Variants in IDS observed in about 807,000 individuals in gnomAD.
The protein encoded by IDS is alpha-L-iduronate sulfate sulfatase.
In IDS, 1 loss-of-function variant was observed where a neutral mutation model predicts 33.5. That is an observed-to-expected ratio of 0.03 (90% confidence interval 0.01 to 0.14). The LOEUF (loss-of-function observed/expected upper bound fraction) is 0.14. IDS is among the 10% of genes least tolerant of loss of function. The pLI, the probability that IDS is intolerant of heterozygous loss-of-function variation, is 1.00. For synonymous variants in IDS, 191 were observed against 184.4 expected, an observed-to-expected ratio of 1.04 and a Z score of -0.29; for missense variants, 328 against 448.0, an observed-to-expected ratio of 0.73 and a Z score of 2.42.
In IDS at chrX:149,481,434, T is replaced by C. The variant is rs1557337426; in HGVS notation, c.*1312A>G. ...TGGCAACAATACACTGAAGTAACAA[T>C]GTAGTTTGCTGTATTTTGTTTCACA... On this transcript the variant is annotated 3_prime_UTR_variant, in exon 9 of 9. Transcript: ENST00000340855. 1 of 112,736 alleles carries C rather than the reference T, an allele frequency of 8.9e-6. No homozygotes were observed. The highest frequency in any genetic ancestry group is 1.9e-5 in the Non-Finnish European group (1 of 53,355). The allele number at this position is 112,736 out of a possible 1,213,427, so 9.3% of individuals were successfully genotyped here. A position where few individuals can be genotyped will look rare whatever the true frequency, so the allele number is the denominator to read the frequency against.
In IDS at chrX:149,491,970, G is replaced by A. The variant is rs782817092; in HGVS notation, c.880-1530C>T. 4.4e-5 allele frequency among the ~76,000 whole-genome samples: 5 copies of A among 112,563 alleles called. No homozygotes were observed. The East Asian group carries it at 1.4e-3, about 31-fold the overall frequency. On this transcript the variant is annotated intron_variant, in intron 6 of 8. Transcript: ENST00000340855. ...GGCCAGAGAGCAGCCCCGAGAAGCT[G>A]GAGCTGCTGGCTTTTATTCAGTGCA...
In IDS at chrX:149,479,220, CTTGGCCAGGCTGGTT is replaced by C. The variant is rs1162576147; in HGVS notation, c.*3511_*3525del. 1.8e-5 allele frequency: 2 copies of C among 110,045 alleles called. No individual in the cohort carries two copies. The highest frequency in any genetic ancestry group is 3.3e-5 in the African/African-American group (1 of 30,234). The allele number at this position is 110,045 out of a possible 1,213,427, so 9.1% of individuals were successfully genotyped here. ...TTTAGTAGAGACGGGATTTCACCAT[CTTGGCCAGGCTGGTT>C]TTGAACTCCTGACCTCGTGATCCAC... On this transcript the variant is annotated 3_prime_UTR_variant, in exon 9 of 9. Transcript: ENST00000340855.
chrX:149,493,878 T>C (rs782416850), intron 6 of IDS, among the ~76,000 whole-genome samples: 4 of 111,467 alleles, frequency 3.6e-5, no homozygotes, highest in Admixed American at 9.5e-5. Context: ...ATCCACCCTG[T>C]CCGATCCCCT....
intron 3 of IDS, chrX:149,502,285 T>C: frequency 3.9e-6 from 1 of 256,580 alleles, no homozygotes. Flanking sequence ...AGTCCTTGCC[T>C]GGTTTCCCCT....
At position 149,498,290 on chromosome X, in the gene IDS, A is replaced by T. The variant is rs2089452549; in HGVS notation, c.525T>A (p.Asp175Glu). The change falls in exon 5 of 9, where the codon GAT becomes GAA. Residue 175 changes from aspartate to glutamate, a missense_variant. By Grantham distance (45) the Asp-to-Glu change is conservative. Coordinates refer to ENST00000340855, the MANE Select transcript of IDS (RefSeq NM_000202.8). ...AAAGCAGGTTGGCATGGAGTTCTCC[A>T]TCTGGCCCTCGACATGTCTTTCAAA... Reference protein sequence around the residue: ...YENTKTCRGPDGELHANLLCP... With the variant: ...YENTKTCRGPEGELHANLLCP... The T allele has an allele frequency of 1.7e-6, 2 of 1,210,397 alleles. No homozygotes were observed. The highest frequency in any genetic ancestry group is 4.6e-4 in the Middle Eastern group (2 of 4,350).
intron 7 of IDS, among the ~76,000 whole-genome samples, chrX:149,487,688 A>G (rs1445463868): frequency 8.9e-6 from 1 of 112,559 alleles, no homozygotes; most frequent in African/African-American, 3.2e-5. Flanking sequence ...CTTAACCTCA[A>G]TTAAAAACAA....
Position 149,490,220 on chromosome X carries a change from C to A in IDS, c.1006+94G>T. 8 of 920,609 alleles carry A rather than the reference C, an allele frequency of 8.7e-6. No individual in the cohort carries two copies. The South Asian group carries it at 1.6e-4, about 18-fold the overall frequency. 75.9% of individuals were successfully genotyped at this position (920,609 alleles called of 1,213,427 possible). A position where few individuals can be genotyped will look rare whatever the true frequency, so the allele number is the denominator to read the frequency against. On this transcript the variant is annotated intron_variant, in intron 7 of 8. Transcript: ENST00000340855. ...TGAACCACTGGTTCACAAAAGAGAA[C>A]ACACCCATGTTTATGTCAATGGCAA...
chrX:149,486,847 A>G (rs782586746), intron 8 of IDS, 78 bp downstream of exon 8: 1 of 1,059,963 alleles, frequency 9.4e-7, no homozygotes, highest in Non-Finnish European at 1.3e-6. Flanking sequence ...CCCAAAGCCT[A>G]TGATTCAATA....
chrX:149,503,278 C>A lies in IDS; in HGVS notation c.418+34G>T, dbSNP rs1463289439. The A allele has an allele frequency of 1.7e-6, 2 of 1,203,323 alleles. No homozygotes were observed. Among genetic ancestry groups the A allele is most frequent in the Non-Finnish European group, 2.2e-6 (2 of 891,119 alleles). ...AATGCTGGATTCAGACACCACAAAC[C>A]AAGAGAACCCAGACTCTGGACATGG... On this transcript the variant is annotated intron_variant, in intron 3 of 8. Transcript: ENST00000340855.
intron 4 of IDS, among the ~76,000 whole-genome samples, chrX:149,499,901 G>A (rs1490549810): frequency 4.5e-5 from 5 of 111,000 alleles, no homozygotes; most frequent in Non-Finnish European, 5.7e-5. Context: ...CATGCTGGCC[G>A]TGAGACCAAA....
At chrX:149,484,151 T>C (rs2089315116) in intron 8 of IDS, among the ~76,000 whole-genome samples, 1 of 112,640 alleles carries the variant, frequency 8.9e-6, no homozygotes, top group Non-Finnish European at 1.9e-5. Context: ...TTTTCAGCTC[T>C]GTGGATATAT....
At chrX:149,490,172 G>T in intron 7 of IDS, 142 bp downstream of exon 7, 7 of 454,165 alleles carry the variant, frequency 1.5e-5, no homozygotes, top group East Asian at 1.6e-4. Context: ...TCATAAAAAT[G>T]CCCCAGGATC....
intron 7 of IDS, among the ~76,000 whole-genome samples, chrX:149,488,232 G>A (rs1427538535): frequency 1.9e-5 from 2 of 103,000 alleles, no homozygotes; most frequent in Admixed American, 2.1e-4. Context: ...GCCCCAGTCA[G>A]TAAGCCCCGG....
chrX:149,504,929 G>A (rs782402450), intron 1 of IDS, 106 bp downstream of exon 1: 1 of 581,449 alleles, frequency 1.7e-6, no homozygotes, highest in Non-Finnish European at 2.9e-6. Context: ...TAGGAGAGAG[G>A]AAGGGTAAAA....
intron 6 of IDS, among the ~76,000 whole-genome samples, chrX:149,491,313 T>C (rs1331256999): frequency 2.7e-5 from 3 of 112,436 alleles, no homozygotes; most frequent in Admixed American, 1.9e-4. Context: ...AAGAGGCACT[T>C]TGGGAACAGC....
intron 6 of IDS, among the ~76,000 whole-genome samples, chrX:149,494,198 T>A (rs1418491679): frequency 9.0e-6 from 1 of 111,549 alleles, no homozygotes; most frequent in Non-Finnish European, 1.9e-5. Flanking sequence ...ATAAAGGTAC[T>A]GCAGGAGGGG....
chrX:149,499,814 G>A (rs1424794926), intron 4 of IDS, among the ~76,000 whole-genome samples: 1 of 111,607 alleles, frequency 9.0e-6, no homozygotes, highest in Non-Finnish European at 1.9e-5. Context: ...TTGATAAGGT[G>A]ACAGTCCATG....
rs1557340575 is a variant in IDS at position 149,505,061 on chromosome X, G to C, written c.77C>G (p.Ser26Cys). Residue 26 changes from serine to cysteine, a missense_variant, in exon 1 of 9, where the codon TCC becomes TGC. Transcript: ENST00000340855. ...VLSSVCVALGSETQANSTTDA... is the reference protein window; with the variant it reads ...VLSSVCVALGCETQANSTTDA... ...TGTGGTCGAGTTGGCCTGCGTTTCG[G>C]ATCCGAGGGCGACGCAGACGGAGCT... is the stretch of plus-strand genomic sequence containing the variant. 1 of 1,209,113 alleles carries C rather than the reference G, an allele frequency of 8.3e-7. No homozygotes were observed. Among genetic ancestry groups the C allele is most frequent in the Admixed American group, 2.2e-5 (1 of 46,056 alleles).
chrX:149,478,934 G>A lies in IDS; in HGVS notation c.*3812C>T, dbSNP rs1328350787. The A allele has an allele frequency of 8.8e-6, 1 of 113,119 alleles. No individual in the cohort carries two copies. The highest frequency in any genetic ancestry group is 1.9e-5 in the Non-Finnish European group (1 of 53,428). The allele number at this position is 113,119 out of a possible 1,213,427, so 9.3% of individuals were successfully genotyped here. On this transcript the variant is annotated 3_prime_UTR_variant, in exon 9 of 9. Coordinates refer to ENST00000340855, the MANE Select transcript of IDS (RefSeq NM_000202.8). ...AAAATTTAAAGGCAAATTCACACAA[G>A]TGGAAATACAGATGCCCAACTATCG...
Sources: allele counts gnomAD v4.1 joint callset (sites outside exome capture counted in the v4.1 genomes callset), GRCh38; gene constraint gnomAD v4.1.1; transcripts MANE v1.5; gene names NCBI Gene and HGNC (gene_info 2026-07-23, HGNC 2026-07-21).